The following QRICH1 variants were observed in gnomAD, a reference collection of about 807,000 sequenced individuals.
QRICH1 encodes transcriptional regulator QRICH1.
Under a neutral mutation model 87.1 loss-of-function variants are expected in QRICH1, and 16 were observed. The ratio of observed to expected loss-of-function variants is 0.18; its 90% CI spans 0.12 to 0.28. The LOEUF (loss-of-function observed/expected upper bound fraction) is 0.28. Ranked by LOEUF, QRICH1 falls within the 10% of genes least tolerant of loss-of-function variation. QRICH1 has a pLI of 1.00. For synonymous variants in QRICH1, 367 were observed against 368.4 expected (o/e 1.00, Z 0.05); for missense variants, 647 against 951.7 (o/e 0.68, Z 4.21).
chr3:49,091,232 TAATAAA>T (rs2042269708), intron 1 of QRICH1, among the ~76,000 whole-genome samples: 1 of 151,936 alleles, frequency 6.6e-6, no homozygotes, highest in Admixed American at 6.6e-5. Flanking sequence ...CAAAAAATAA[TAATAAA>T]AATAAAAAGA....
intron 2 of QRICH1, among the ~76,000 whole-genome samples, chr3:49,076,343 C>A (rs1300160125): frequency 6.6e-6 from 1 of 152,182 alleles, no homozygotes; most frequent in African/African-American, 2.4e-5. Context: ...TGGAGAGCCC[C>A]TCATCCTGGG....
intron 3 of QRICH1, among the ~76,000 whole-genome samples, chr3:49,053,480 C>T (rs1192229827): frequency 5.8e-5 from 5 of 86,282 alleles, no homozygotes; most frequent in Non-Finnish European, 8.3e-5. Context: ...ATGAGACCCC[C>T]TGTCTCAAAA....
At chr3:49,058,421 G>C (rs1367739899) in intron 2 of QRICH1, among the ~76,000 whole-genome samples, 2 of 152,080 alleles carry the variant, frequency 1.3e-5, no homozygotes, top group African/African-American at 4.8e-5. Flanking sequence ...CCACCTCTCA[G>C]GCTCAAGCAA....
At chr3:49,032,980 T>C (rs2093251339) in intron 7 of QRICH1, 140 bp downstream of exon 7, 3 of 924,532 alleles carry the variant, frequency 3.2e-6, no homozygotes, top group Non-Finnish European at 4.7e-6. Context: ...GGTTACCAAA[T>C]AAAATGCAGC....
intron 3 of QRICH1, among the ~76,000 whole-genome samples, chr3:49,048,841 T>C (rs1192347034): frequency 4.7e-5 from 7 of 149,556 alleles, no homozygotes; most frequent in African/African-American, 1.7e-4. Context: ...ACTTGGGCCT[T>C]ATCTCCAGCC....
chr3:49,078,010 CCT>C (rs769049746), intron 1 of QRICH1, among the ~76,000 whole-genome samples: 21 of 152,274 alleles, frequency 1.4e-4, no homozygotes, highest in African/African-American at 1.9e-4. Flanking sequence ...ACTGCTGACC[CCT>C]GTCGCTGCTA....
intron 6 of QRICH1, among the ~76,000 whole-genome samples, chr3:49,040,679 C>T (rs1383448931): frequency 2.0e-5 from 3 of 152,118 alleles, no homozygotes; most frequent in Non-Finnish European, 4.4e-5. Flanking sequence ...TTAAATTAAA[C>T]AGGGATTAAA....
intron 2 of QRICH1, among the ~76,000 whole-genome samples, chr3:49,058,397 G>C (rs1309195063): frequency 6.6e-6 from 1 of 152,032 alleles, no homozygotes; most frequent in East Asian, 1.9e-4. Context: ...TGCCATCTCA[G>C]CTCACTGCAA....
intron 2 of QRICH1, among the ~76,000 whole-genome samples, chr3:49,059,118 C>T (rs1363511312): frequency 6.6e-6 from 1 of 151,672 alleles, no homozygotes; most frequent in African/African-American, 2.4e-5. Flanking sequence ...CCTGCCACCA[C>T]ACCCGGCTAA....
At position 49,089,987 on chromosome 3, in the gene QRICH1, C is replaced by T. The variant is rs1034946380; in HGVS notation, c.-22+3925G>A. Among the ~76,000 whole-genome samples, 10 of 152,190 alleles carry T rather than the reference C, an allele frequency of 6.6e-5. 1 individual carries two copies. Among genetic ancestry groups the T allele is most frequent in the African/African-American group, 2.4e-4 (10 of 41,448 alleles). On this transcript the variant is annotated intron_variant, in intron 1 of 9. Coordinates refer to ENST00000395443, the MANE Select transcript of QRICH1 (RefSeq NM_198880.3). Reference sequence around the variant, plus strand: ...ATTGTACAGAGATCGCCTAAATTTACATGGATGGATAAATATTTCACAAAT... The same window carrying T: ...ATTGTACAGAGATCGCCTAAATTTATATGGATGGATAAATATTTCACAAAT...
Position 49,088,118 on chromosome 3 carries a change from A to AT in QRICH1, c.-22+5793dup, listed in dbSNP as rs1290098631. Among the ~76,000 whole-genome samples the AT allele has an allele frequency of 4.6e-5, 7 of 151,362 alleles. 1 individual carries two copies. Among genetic ancestry groups the AT allele is most frequent in the African/African-American group, 1.5e-4 (6 of 41,198 alleles). ...AGGCGCCCGCCACCACATCCAGCTAATTTTTTTGTATTTTTTAGTAGAGAG... is the reference window on the plus strand; with the variant it reads ...AGGCGCCCGCCACCACATCCAGCTAATTTTTTTTGTATTTTTTAGTAGAGAG... On this transcript the variant is annotated intron_variant, in intron 1 of 9. Transcript: ENST00000395443.
At chr3:49,069,359 C>T (rs1185315690) in intron 2 of QRICH1, among the ~76,000 whole-genome samples, 4 of 151,650 alleles carry the variant, frequency 2.6e-5, no homozygotes, top group African/African-American at 9.7e-5. Context: ...GCCTTGTCCT[C>T]CCAAAGTGCT....
chr3:49,044,661 TA>T (rs1442368022), intron 5 of QRICH1, among the ~76,000 whole-genome samples, 157 bp from the exon 6 acceptor site: 2 of 152,166 alleles, frequency 1.3e-5, no homozygotes, highest in African/African-American at 4.8e-5. Flanking sequence ...ATAGTATGCC[TA>T]AGCTCATGTG....
At chr3:49,047,013 T>C in intron 4 of QRICH1, 56 bp downstream of exon 4, 1 of 1,553,618 alleles carries the variant, frequency 6.4e-7, no homozygotes, top group Non-Finnish European at 8.7e-7. Context: ...TGTCCTCCTG[T>C]TACTTTAGTA....
At chr3:49,068,466 TAA>T (rs879822428) in intron 2 of QRICH1, among the ~76,000 whole-genome samples, 2 of 139,470 alleles carry the variant, frequency 1.4e-5, no homozygotes, top group African/African-American at 5.3e-5. Context: ...TCAAAAAAAT[TAA>T]AAAAAAAAAA....
At chr3:49,044,330 G>T in intron 6 of QRICH1, 60 bp downstream of exon 6, 1 of 1,305,822 alleles carries the variant, frequency 7.7e-7, no homozygotes, top group Non-Finnish European at 1.1e-6. Flanking sequence ...AACCACAGAA[G>T]CTATTGATCT....
At chr3:49,079,757 G>A (rs143173929) in intron 1 of QRICH1, among the ~76,000 whole-genome samples, 23 of 152,162 alleles carry the variant, frequency 1.5e-4, no homozygotes, top group Non-Finnish European at 3.1e-4. Context: ...AGCCCAGTGC[G>A]GTGGCTCACG....
intron 1 of QRICH1, among the ~76,000 whole-genome samples, chr3:49,081,617 G>A (rs2042061320): frequency 6.6e-6 from 1 of 151,904 alleles, no homozygotes; most frequent in African/African-American, 2.4e-5. Context: ...CCTCTCACCT[G>A]AGCCGCCCAA....
chr3:49,044,524 T>C lies in QRICH1; in HGVS notation c.1672-20A>G, dbSNP rs755226593. ...AAGATACTAAAAGAAAAACAATTAA[T>C]AGAAGTTATTGGTAGTCTCCTGAAC... is the stretch of plus-strand genomic sequence containing the variant. On this transcript the variant is annotated intron_variant, in intron 5 of 9. Transcript: ENST00000395443. 3.3e-6 allele frequency: 5 copies of C among 1,512,822 alleles called. No homozygotes were observed. Among genetic ancestry groups the C allele is most frequent in the South Asian group, 1.1e-5 (1 of 88,206 alleles). The allele number at this position is 1,512,822 out of a possible 1,614,324, so 93.7% of individuals were successfully genotyped here.
Sources: allele counts gnomAD v4.1 joint callset (sites outside exome capture counted in the v4.1 genomes callset), GRCh38; gene constraint gnomAD v4.1.1; transcripts MANE v1.5; gene names NCBI Gene and HGNC (gene_info 2026-07-23, HGNC 2026-07-21).